Variants in DIP2C observed in about 807,000 individuals in gnomAD.
DIP2C encodes DIP2 acetate--CoA ligase C (putative), also known as disco-interacting protein 2 homolog C.
In DIP2C, 33 loss-of-function variants were observed where a neutral mutation model predicts 192.4. That is an observed-to-expected ratio of 0.17 (90% confidence interval 0.13 to 0.23). The LOEUF is 0.23. Among genes scored for constraint, DIP2C ranks in the 10% least tolerant of loss-of-function variants. DIP2C has a pLI of 1.00. For missense variants in DIP2C, 1,537 were observed against 2,110.1 expected, an observed-to-expected ratio of 0.73 and a Z score of 5.32; for synonymous variants, 979 against 864.1, an observed-to-expected ratio of 1.13 and a Z score of -2.33.
chr10:603,856 C>G (rs1852271522), intron 1 of DIP2C, among the ~76,000 whole-genome samples: 1 of 152,180 alleles, frequency 6.6e-6, no homozygotes, highest in Admixed American at 6.5e-5. Context: ...TCTCCCAAAT[C>G]AGAGGCCACC....
At chr10:534,265 T>C (rs1213231298) in intron 1 of DIP2C, among the ~76,000 whole-genome samples, 1 of 152,176 alleles carries the variant, frequency 6.6e-6, no homozygotes, top group Non-Finnish European at 1.5e-5. Context: ...GGTGCAACTC[T>C]CACTTCATCC....
chr10:455,003 A>G (rs1222867324), intron 3 of DIP2C, among the ~76,000 whole-genome samples: 1 of 152,198 alleles, frequency 6.6e-6, no homozygotes, highest in Non-Finnish European at 1.5e-5. Context: ...ATTTGCACCA[A>G]GCTCACAGCA....
At chr10:529,485 C>G (rs1847247905) in intron 1 of DIP2C, among the ~76,000 whole-genome samples, 1 of 152,206 alleles carries the variant, frequency 6.6e-6, no homozygotes, top group South Asian at 2.1e-4. Context: ...AAAGTTAGTT[C>G]TCAAAATAGA....
intron 1 of DIP2C, among the ~76,000 whole-genome samples, chr10:616,644 C>T (rs1414320589): frequency 6.6e-6 from 1 of 152,162 alleles, no homozygotes; most frequent in Non-Finnish European, 1.5e-5. Flanking sequence ...GCCACGTGTG[C>T]GTGGAGAGCA....
At position 440,899 on chromosome 10, in the gene DIP2C, C is replaced by T; in HGVS notation, c.366G>A (p.Gln122=). ...GAGGGGTGTAGGCGTCCATCGAGGT[C>T]TGCACGACCAGGGACCTGCGTTTGG... ...MPSKRRSLVV[Q]TSMDAYTPPD... Residue 122 remains glutamine, a synonymous_variant, in exon 4 of 37, where the codon CAG becomes CAA. Coordinates refer to ENST00000280886, the MANE Select transcript of DIP2C (RefSeq NM_014974.3). 1 of 1,613,596 alleles carries T rather than the reference C, an allele frequency of 6.2e-7. No individual in the cohort carries two copies. Among genetic ancestry groups the T allele is most frequent in the Non-Finnish European group, 8.5e-7 (1 of 1,180,020 alleles).
At chr10:513,300 A>G (rs1846144704) in intron 1 of DIP2C, among the ~76,000 whole-genome samples, 1 of 152,248 alleles carries the variant, frequency 6.6e-6, no homozygotes, top group Non-Finnish European at 1.5e-5. Flanking sequence ...TACTACAATA[A>G]CTTAGAAGTC....
rs560676834 is a variant in DIP2C at position 440,809 on chromosome 10, C to T, written c.394+62G>A. 1.6e-5 allele frequency: 25 copies of T among 1,547,262 alleles called. No homozygotes were observed. The East Asian group carries it at 5.0e-4, about 31-fold the overall frequency. On this transcript the variant is annotated intron_variant, in intron 4 of 36. Transcript: ENST00000280886. ...AAAGCAAAAACCCCTGATTGCTGGG[C>T]TAGGTCAATTCTGAGGTGCCCGGCA...
At position 558,246 on chromosome 10, in the gene DIP2C, GAGAA is replaced by G. The variant is rs1393563563; in HGVS notation, c.86-71720_86-71717del. The stretch of plus-strand genomic sequence containing the variant: ...TGAGGTAGGAATCCTTACTTTGCTA[GAGAA>G]AGAAACAGGTTCTGAGAGAACCTTC... On this transcript the variant is annotated intron_variant, in intron 1 of 36. Transcript: ENST00000280886. Among the ~76,000 whole-genome samples the G allele has an allele frequency of 5.3e-5, 8 of 152,182 alleles. No homozygotes were observed. The East Asian group carries it at 1.3e-3, about 26-fold the overall frequency.
intron 1 of DIP2C, among the ~76,000 whole-genome samples, chr10:608,020 A>G (rs1424035859): frequency 6.6e-6 from 1 of 151,410 alleles, no homozygotes; most frequent in Non-Finnish European, 1.5e-5. Flanking sequence ...CGGTCAAGTC[A>G]TATGACTTCT....
intron 3 of DIP2C, among the ~76,000 whole-genome samples, chr10:463,321 G>A (rs1013623360): frequency 3.9e-5 from 6 of 152,290 alleles, no homozygotes; most frequent in African/African-American, 1.2e-4. Flanking sequence ...CAAAATCAAT[G>A]TGCAAAAATC....
intron 1 of DIP2C, among the ~76,000 whole-genome samples, chr10:555,949 G>A (rs1848832931): frequency 6.6e-6 from 1 of 152,120 alleles, no homozygotes; most frequent in South Asian, 2.1e-4. Flanking sequence ...GCTGAGTAGG[G>A]GAAACAAGCC....
chr10:367,897 A>G (rs1282813193), intron 18 of DIP2C, among the ~76,000 whole-genome samples: 1 of 151,960 alleles, frequency 6.6e-6, no homozygotes, highest in African/African-American at 2.4e-5. Context: ...TCTGTTCCAC[A>G]GCCCCAGGTG....
At chr10:372,215 A>G (rs767585415) in intron 17 of DIP2C, among the ~76,000 whole-genome samples, 1 of 151,956 alleles carries the variant, frequency 6.6e-6, no homozygotes, top group Non-Finnish European at 1.5e-5. Context: ...AGCTGGGACT[A>G]CAGGCGCCGC....
At chr10:399,252 C>T (rs756804590) in intron 9 of DIP2C, 33 bp from the exon 10 acceptor site, 17 of 1,584,380 alleles carry the variant, frequency 1.1e-5, no homozygotes, top group Non-Finnish European at 1.3e-5. Flanking sequence ...TCAGCATTAA[C>T]GTGGGGTCCT....
At chr10:503,881 A>G (rs755252643) in intron 1 of DIP2C, among the ~76,000 whole-genome samples, 11 of 152,174 alleles carry the variant, frequency 7.2e-5, no homozygotes, top group Non-Finnish European at 1.2e-4. Flanking sequence ...TAAACCCATT[A>G]CTGTGACTTA....
chr10:344,963 C>A (rs777309378), intron 27 of DIP2C, 36 bp downstream of exon 27: 1 of 1,606,170 alleles, frequency 6.2e-7, no homozygotes. Context: ...TGAGCAAGGC[C>A]GTGAGCAAAC....
chr10:339,861 A>C (rs932594818), intron 29 of DIP2C, among the ~76,000 whole-genome samples: 1 of 152,256 alleles, frequency 6.6e-6, no homozygotes, highest in Non-Finnish European at 1.5e-5. Flanking sequence ...ATACTATTAA[A>C]TATTAGTCAC....
At chr10:405,769 ACT>A (rs1964758709) in intron 9 of DIP2C, among the ~76,000 whole-genome samples, 1 of 152,048 alleles carries the variant, frequency 6.6e-6, no homozygotes, top group Non-Finnish European at 1.5e-5. Flanking sequence ...CGCACACTCA[ACT>A]CTTCAGGGGA....
intron 1 of DIP2C, chr10:630,143 C>T (rs1854432226): frequency 6.6e-6 from 1 of 152,266 alleles, no homozygotes; most frequent in Non-Finnish European, 1.5e-5. Context: ...TGACCACAAA[C>T]CCAAGAAGCA....
Sources: gnomAD v4.1 joint callset for allele counts (sites outside exome capture counted in the v4.1 genomes callset) on GRCh38, gnomAD v4.1.1 for gene constraint, MANE v1.5 for transcripts, NCBI Gene and HGNC (gene_info 2026-07-23, HGNC 2026-07-21) for gene names.